The following EIF3L variants were observed in gnomAD, a reference collection of about 807,000 sequenced individuals.
EIF3L encodes the protein eIEF associated protein HSPC021.
A neutral mutation model predicts 74.6 loss-of-function variants in EIF3L; 32 were observed. The observed-to-expected ratio is 0.43, with a 90% CI of 0.32 to 0.58. EIF3L has a LOEUF of 0.58. EIF3L is among the 20% of genes least tolerant of loss of function. EIF3L has a pLI of 0.06. For synonymous variants in EIF3L, 256 were observed against 254.4 expected (o/e 1.01, Z -0.06); for missense variants, 474 against 707.8 (o/e 0.67, Z 3.75).
rs967431787 is a variant in EIF3L, at chr22:37,877,635, T to C, written c.1078-39T>C. 8.4e-6 allele frequency: 13 copies of C among 1,543,034 alleles called. No homozygotes were observed. The African/African-American group carries it at 1.2e-4, about 15-fold the overall frequency. ...GGCAGTGGGGACCTCAGGAAGTCCG[T>C]CTCATTTGACCCAGTACCACTCTCC... On this transcript the variant is annotated intron_variant, in intron 10 of 12. Transcript: ENST00000652021.
intron 10 of EIF3L, chr22:37,876,917 C>G (rs950930440): frequency 3.3e-5 from 5 of 152,180 alleles, no homozygotes; most frequent in African/African-American, 1.2e-4. Context: ...GCACAATAAA[C>G]TGTTCTGGCT....
At position 37,855,658 on chromosome 22, in the gene EIF3L, C is replaced by T. The variant is rs775689994; in HGVS notation, c.373+14C>T. On this transcript the variant is annotated intron_variant, in intron 4 of 12. Coordinates refer to ENST00000652021, the MANE Select transcript of EIF3L (RefSeq NM_016091.4). ...AGGTTGGCAATGGTAGGTGTGAGCT[C>T]TTTATATCTTGTGCACTGAGTGGAA... The T allele has an allele frequency of 1.2e-6, 2 of 1,610,824 alleles. No individual in the cohort carries two copies. Among genetic ancestry groups the T allele is most frequent in the South Asian group, 1.1e-5 (1 of 90,968 alleles).
In EIF3L at chr22:37,863,306, C is replaced by T; in HGVS notation, c.540C>T (p.Asn180=). The T allele has an allele frequency of 1.2e-6, 2 of 1,613,986 alleles. No individual in the cohort carries two copies. The highest frequency in any genetic ancestry group is 1.7e-6 in the Non-Finnish European group (2 of 1,179,974). ...ADGPAPLELP[N]QWLWDIIDEF... Reference sequence around the variant, plus strand: ...GTCCTGCTCCCCTTGAACTACCCAACCAGTGGCTCTGGGATATTATCGATG... The same window carrying T: ...GTCCTGCTCCCCTTGAACTACCCAATCAGTGGCTCTGGGATATTATCGATG... The change falls in exon 7 of 13, where the codon AAC becomes AAT. Residue 180 remains asparagine, a synonymous_variant. Transcript: ENST00000652021.
intron 5 of EIF3L, 124 bp from the exon 6 acceptor site, chr22:37,862,845 A>G (rs1232851087): frequency 5.8e-6 from 4 of 693,488 alleles, no homozygotes; most frequent in African/African-American, 5.5e-5. Context: ...GCATATTTAC[A>G]TAGTAAGAAA....
Position 37,874,542 on chromosome 22 carries a change from T to C in EIF3L, c.906+18T>C. 1 of 1,608,476 alleles carries C rather than the reference T, an allele frequency of 6.2e-7. No individual in the cohort carries two copies. Among genetic ancestry groups the C allele is most frequent in the Non-Finnish European group, 8.5e-7 (1 of 1,175,932 alleles). On this transcript the variant is annotated intron_variant, in intron 9 of 12. Transcript: ENST00000652021. ...ACAAGAAGGTGATGCCTATTGCCTC[T>C]GGCCCCTCTTGCCAGAGCCAGAATA... is the stretch of plus-strand genomic sequence containing the variant.
intron 4 of EIF3L, among the ~76,000 whole-genome samples, chr22:37,856,225 C>A (rs1440859195): frequency 6.6e-6 from 1 of 151,850 alleles, no homozygotes; most frequent in East Asian, 1.9e-4. Context: ...TACAGGCGCC[C>A]GCCACCACGC....
chr22:37,883,982 T>G (rs768067038), intron 11 of EIF3L: 8 of 152,284 alleles, frequency 5.3e-5, no homozygotes, highest in Middle Eastern at 3.4e-3. Context: ...TCACAGTGTT[T>G]TGCAACCATC....
At chr22:37,872,407 A>T (rs1203524232) in intron 8 of EIF3L, among the ~76,000 whole-genome samples, 1 of 152,116 alleles carries the variant, frequency 6.6e-6, no homozygotes, top group Non-Finnish European at 1.5e-5. Context: ...TACATGCATG[A>T]GCCACTGCGC....
chr22:37,852,767 A>G lies in EIF3L; in HGVS notation c.293+1277A>G, dbSNP rs1336211778. On this transcript the variant is annotated intron_variant, in intron 3 of 12. Coordinates refer to ENST00000652021, the MANE Select transcript of EIF3L (RefSeq NM_016091.4). ...CTCCAAGGTCCTTCCCGCCCCTGCAAGCCACCCATTAGGTTGAGCTGAGAG... is the reference window on the plus strand; with the variant it reads ...CTCCAAGGTCCTTCCCGCCCCTGCAGGCCACCCATTAGGTTGAGCTGAGAG... 3.9e-5 allele frequency among the ~76,000 whole-genome samples: 6 copies of G among 152,060 alleles called. No individual in the cohort carries two copies. In the South Asian group the frequency reaches 6.2e-4, roughly 16 times the overall value.
At chr22:37,854,348 C>T (rs1002248043) in intron 3 of EIF3L, among the ~76,000 whole-genome samples, 13 of 152,080 alleles carry the variant, frequency 8.5e-5, no homozygotes, top group African/African-American at 3.1e-4. Context: ...AGGTCAATGT[C>T]AGTAGAGTGA....
intron 3 of EIF3L, 53 bp downstream of exon 3, chr22:37,851,543 T>C (rs1457023703): frequency 2.4e-6 from 3 of 1,235,424 alleles, no homozygotes; most frequent in Non-Finnish European, 3.3e-6. Flanking sequence ...GGCCTGGTAA[T>C]ATAGTTCCTA....
At chr22:37,884,764 G>A (rs1231947195) in intron 11 of EIF3L, 1 of 152,088 alleles carries the variant, frequency 6.6e-6, no homozygotes, top group African/African-American at 2.4e-5. Context: ...CCAGGCGTTT[G>A]AGGCTGCAGT....
At position 37,858,762 on chromosome 22, in the gene EIF3L, T is replaced by G. The variant is rs185637186; in HGVS notation, c.435+22T>G. The G allele has an allele frequency of 3.5e-4, 511 of 1,472,626 alleles. 4 individuals are homozygous for G. In the East Asian group the frequency reaches 9.6e-3, roughly 28 times the overall value. The allele number at this position is 1,472,626 out of a possible 1,614,324, so 91.2% of individuals were successfully genotyped here. A position where few individuals can be genotyped will look rare whatever the true frequency, so the allele number is the denominator to read the frequency against. On this transcript the variant is annotated intron_variant, in intron 5 of 12. Coordinates refer to ENST00000652021, the MANE Select transcript of EIF3L (RefSeq NM_016091.4). ...CAGTGTAAGTATTTAAGTGTCGCAG[T>G]TTTTTTTTTGTTTTTGTTTTTTTAA...
chr22:37,861,945 G>A (rs1925880477), intron 5 of EIF3L, among the ~76,000 whole-genome samples: 1 of 152,124 alleles, frequency 6.6e-6, no homozygotes, highest in Non-Finnish European at 1.5e-5. Context: ...TTAAGCCCTT[G>A]GGAAGCAGTT....
In EIF3L at chr22:37,877,572, T is replaced by TA. The variant is rs1254073180; in HGVS notation, c.1078-100dup. On this transcript the variant is annotated intron_variant, in intron 10 of 12. Transcript: ENST00000652021. ...CAATGGCTGGTATGAAACAACTGGG[T>TA]AAGTCAAAGATCTGTGCAGAGAATG... The TA allele has an allele frequency of 2.1e-5, 29 of 1,378,098 alleles. No homozygotes were observed. In the African/African-American group the frequency reaches 3.8e-4, roughly 18 times the overall value. 85.4% of individuals were successfully genotyped at this position (1,378,098 alleles called of 1,614,324 possible).
intron 4 of EIF3L, among the ~76,000 whole-genome samples, chr22:37,856,553 G>A (rs1925517694): frequency 2.0e-5 from 3 of 152,184 alleles, no homozygotes. Context: ...TTTTGAAATG[G>A]GGAATTGTAG....
intron 8 of EIF3L, among the ~76,000 whole-genome samples, chr22:37,870,879 C>CT (rs1926434934): frequency 1.3e-5 from 2 of 152,002 alleles, no homozygotes; most frequent in Admixed American, 1.3e-4. Flanking sequence ...AATCCCAGCA[C>CT]TTTGGGAGGC....
At chr22:37,876,078 C>T in intron 10 of EIF3L, 67 bp downstream of exon 10, 1 of 1,523,960 alleles carries the variant, frequency 6.6e-7, no homozygotes, top group Non-Finnish European at 9.0e-7. Context: ...CCTATGCCAA[C>T]CATTCTTGGT....
chr22:37,869,166 T>A (rs1026944463), intron 7 of EIF3L, among the ~76,000 whole-genome samples: 7 of 152,176 alleles, frequency 4.6e-5, no homozygotes, highest in African/African-American at 1.7e-4. Flanking sequence ...TTTTACTCTG[T>A]CACTCACACT....
Sources: gnomAD v4.1 joint callset for allele counts (sites outside exome capture counted in the v4.1 genomes callset) on GRCh38, gnomAD v4.1.1 for gene constraint, MANE v1.5 for transcripts, NCBI Gene and HGNC (gene_info 2026-07-23, HGNC 2026-07-21) for gene names.